The following DNM3 variants were observed in gnomAD, a reference collection of about 807,000 sequenced individuals.
DNM3 encodes dynamin-3.
DNM3 carries 47 observed loss-of-function variants against 101.6 expected under a neutral mutation model. That is an observed-to-expected ratio of 0.46 (90% CI 0.37 to 0.59). DNM3 has a LOEUF of 0.59. DNM3 is among the 20% of genes least tolerant of loss of function. DNM3 has a pLI of 0.00. For synonymous variants in DNM3, 385 were observed against 387.9 expected, an observed-to-expected ratio of 0.99 and a Z score of 0.09; for missense variants, 849 against 1,085.7, an observed-to-expected ratio of 0.78 and a Z score of 3.06.
chr1:172,354,116 A>T (rs866850201), intron 17 of DNM3, among the ~76,000 whole-genome samples: 37 of 142,262 alleles, frequency 2.6e-4, no homozygotes, highest in African/African-American at 8.4e-4. Context: ...TGTGTGTGAG[A>T]GAGAGAGAGA....
intron 17 of DNM3, among the ~76,000 whole-genome samples, chr1:172,355,677 T>C (rs2067417468): frequency 6.6e-6 from 1 of 152,124 alleles, no homozygotes; most frequent in Non-Finnish European, 1.5e-5. Flanking sequence ...TGAGCTGGTA[T>C]AAACCAGCTC....
chr1:172,183,595 CT>C (rs1333317077), intron 14 of DNM3, among the ~76,000 whole-genome samples: 2 of 151,438 alleles, frequency 1.3e-5, no homozygotes, highest in African/African-American at 4.8e-5. Flanking sequence ...TACATTCAAA[CT>C]TTTTTAAATT....
chr1:171,996,655 A>G (rs2046014917), intron 4 of DNM3, among the ~76,000 whole-genome samples: 1 of 152,080 alleles, frequency 6.6e-6, no homozygotes, highest in Non-Finnish European at 1.5e-5. Flanking sequence ...GAACCTTATT[A>G]CTTAATCTCT....
At chr1:172,037,087 G>A (rs367705650) in intron 6 of DNM3, among the ~76,000 whole-genome samples, 3 of 152,082 alleles carry the variant, frequency 2.0e-5, no homozygotes, top group Non-Finnish European at 2.9e-5. Context: ...AAACCACAAT[G>A]AGATACCATC....
rs553414518 is a variant in DNM3, at chr1:172,296,815, T to C, written c.1770-11913T>C. ...TACTGAGAAAAGCAATTGATTTGTA[T>C]ATTTTCATCTTGCAGTTAATGTTAG... On this transcript the variant is annotated intron_variant, in intron 15 of 20. Coordinates refer to ENST00000627582, the MANE Select transcript of DNM3 (RefSeq NM_015569.5). 8.5e-4 allele frequency among the ~76,000 whole-genome samples: 129 copies of C among 152,372 alleles called. 1 individual carries two copies. The highest frequency in any genetic ancestry group is 1.6e-3 in the Non-Finnish European group (106 of 68,044).
At chr1:171,921,064 G>C (rs2040121331) in intron 1 of DNM3, among the ~76,000 whole-genome samples, 1 of 151,634 alleles carries the variant, frequency 6.6e-6, no homozygotes, top group African/African-American at 2.4e-5. Flanking sequence ...GCTGGGACTA[G>C]AGGCCCACGC....
chr1:172,109,064 C>T (rs989696930), intron 13 of DNM3, among the ~76,000 whole-genome samples: 3 of 152,024 alleles, frequency 2.0e-5, no homozygotes, highest in African/African-American at 7.3e-5. Context: ...TTGCCATCTC[C>T]AGCCCCTTTT....
chr1:171,899,841 T>C (rs190391431), intron 1 of DNM3, among the ~76,000 whole-genome samples: 4 of 152,278 alleles, frequency 2.6e-5, no homozygotes, highest in East Asian at 3.9e-4. Flanking sequence ...ACAAATAACA[T>C]GGAAGTATCA....
At chr1:172,203,092 A>G (rs1391017102) in intron 14 of DNM3, among the ~76,000 whole-genome samples, 1 of 152,170 alleles carries the variant, frequency 6.6e-6, no homozygotes, top group Non-Finnish European at 1.5e-5. Flanking sequence ...AGGAAGTTAG[A>G]CTTGTAATTT....
At chr1:171,932,801 C>G (rs2041130371) in intron 2 of DNM3, among the ~76,000 whole-genome samples, 1 of 152,134 alleles carries the variant, frequency 6.6e-6, no homozygotes, top group African/African-American at 2.4e-5. Flanking sequence ...AAATACTCAT[C>G]ATGCAAATAC....
intron 14 of DNM3, among the ~76,000 whole-genome samples, chr1:172,187,385 C>G (rs2148420014): frequency 6.6e-6 from 1 of 152,066 alleles, no homozygotes; most frequent in Non-Finnish European, 1.5e-5. Flanking sequence ...TTATAATATA[C>G]TTGCATCAGA....
chr1:172,027,039 T>G (rs1239813010), intron 4 of DNM3, among the ~76,000 whole-genome samples: 2 of 152,036 alleles, frequency 1.3e-5, no homozygotes, highest in African/African-American at 4.8e-5. Flanking sequence ...GACAAGCAAA[T>G]GCTGAGAGAT....
At chr1:171,999,549 G>GTTATC (rs879564532) in intron 4 of DNM3, among the ~76,000 whole-genome samples, 7 of 152,088 alleles carry the variant, frequency 4.6e-5, no homozygotes, top group Admixed American at 4.6e-4. Context: ...GAATCATTGA[G>GTTATC]TTATCAGTCT....
chr1:172,196,184 G>T (rs1344995449), intron 14 of DNM3, among the ~76,000 whole-genome samples: 2 of 151,656 alleles, frequency 1.3e-5, no homozygotes, highest in East Asian at 3.9e-4. Context: ...GCATTAGTTT[G>T]CTAAGGATGA....
At chr1:172,149,325 A>G (rs1334451626) in intron 14 of DNM3, among the ~76,000 whole-genome samples, 1 of 152,142 alleles carries the variant, frequency 6.6e-6, no homozygotes, top group African/African-American at 2.4e-5. Flanking sequence ...CCATTTTTAT[A>G]TTTCAGTAGC....
chr1:172,000,942 G>A (rs2046321141), intron 4 of DNM3, among the ~76,000 whole-genome samples: 1 of 151,980 alleles, frequency 6.6e-6, no homozygotes, highest in Admixed American at 6.6e-5. Context: ...GTGTTTTGAT[G>A]GAAATGATGT....
At chr1:172,097,697 A>G (rs1412390877) in intron 13 of DNM3, among the ~76,000 whole-genome samples, 3 of 152,298 alleles carry the variant, frequency 2.0e-5, no homozygotes, top group Admixed American at 6.5e-5. Context: ...AAACTTGGAG[A>G]GTGGTTATCA....
chr1:172,064,385 T>C (rs1338426615), intron 10 of DNM3, among the ~76,000 whole-genome samples: 1 of 152,076 alleles, frequency 6.6e-6, no homozygotes, highest in African/African-American at 2.4e-5. Context: ...ATTGAGGAAA[T>C]GGTGATTGCA....
chr1:172,307,803 C>T (rs2064901827), intron 15 of DNM3, among the ~76,000 whole-genome samples: 1 of 151,596 alleles, frequency 6.6e-6, no homozygotes, highest in South Asian at 2.1e-4. Flanking sequence ...TGTTCTCACT[C>T]ATAGGTGGGA....
Sources: gnomAD v4.1 joint callset for allele counts (sites outside exome capture counted in the v4.1 genomes callset) on GRCh38, gnomAD v4.1.1 for gene constraint, MANE v1.5 for transcripts, NCBI Gene and HGNC (gene_info 2026-07-23, HGNC 2026-07-21) for gene names.